OTOP1: variants seen among roughly 807,000 people sequenced by gnomAD.
The protein encoded by OTOP1 is proton channel OTOP1.
A neutral mutation model predicts 52.9 loss-of-function variants in OTOP1; 59 were observed. The ratio of observed to expected loss-of-function variants is 1.12; its 90% CI spans 0.91 to 1.39. OTOP1 has a LOEUF of 1.39. Among genes scored for constraint, OTOP1 ranks in the 40% most tolerant of loss-of-function variants. The probability of loss-of-function intolerance (pLI) is 0.00; values close to 1 mark genes in which losing one functional copy is unlikely to be tolerated. For missense variants in OTOP1, 761 were observed against 800.9 expected (o/e 0.95, Z 0.60); for synonymous variants, 317 against 337.7 (o/e 0.94, Z 0.67).
chr4:4,198,864 T>C (rs1320339115), intron 4 of OTOP1, among the ~76,000 whole-genome samples: 2 of 152,126 alleles, frequency 1.3e-5, no homozygotes, highest in Non-Finnish European at 2.9e-5. Context: ...TCTACCCTTC[T>C]ACTCAAAGGG....
chr4:4,210,342 C>T (rs940327414), intron 2 of OTOP1, among the ~76,000 whole-genome samples: 12 of 152,190 alleles, frequency 7.9e-5, no homozygotes, highest in Admixed American at 4.6e-4. Context: ...CTTGGGCTGC[C>T]GTAACAAAGG....
chr4:4,218,677 TG>T (rs977038979), intron 1 of OTOP1, among the ~76,000 whole-genome samples: 3 of 152,034 alleles, frequency 2.0e-5, no homozygotes, highest in Non-Finnish European at 4.4e-5. Flanking sequence ...CCTATAATCC[TG>T]GCACTTTGGG....
rs1553852440 is a variant in OTOP1, at chr4:4,201,471, T to TATATAC, written c.730+976_730+977insGTATAT. Among the ~76,000 whole-genome samples the TATATAC allele has an allele frequency of 3.5e-5, 5 of 140,856 alleles. No individual in the cohort carries two copies. The South Asian group carries it at 7.0e-4, about 20-fold the overall frequency. The allele number at this position is 140,856 out of a possible 152,430, so 92.4% of individuals were successfully genotyped here. ...GAATAAATAAATAAATATATATATA[T>TATATAC]ACACACACACACACACACACACACA... On this transcript the variant is annotated intron_variant, in intron 4 of 5. Coordinates refer to ENST00000296358, the MANE Select transcript of OTOP1 (RefSeq NM_177998.3).
At chr4:4,202,252 T>C (rs1577178210) in intron 4 of OTOP1, among the ~76,000 whole-genome samples, 196 bp downstream of exon 4, 1 of 152,332 alleles carries the variant, frequency 6.6e-6, no homozygotes. Context: ...CCTTTAATTA[T>C]GCTCAGTACA....
chr4:4,214,735 G>T (rs536985217), intron 1 of OTOP1, among the ~76,000 whole-genome samples: 1 of 152,298 alleles, frequency 6.6e-6, no homozygotes, highest in Admixed American at 6.5e-5. Context: ...CATTATATGA[G>T]GTATCAAATG....
intron 5 of OTOP1, among the ~76,000 whole-genome samples, chr4:4,196,692 C>A (rs1428581607): frequency 6.6e-6 from 1 of 152,140 alleles, no homozygotes; most frequent in Admixed American, 6.5e-5. Context: ...CATGCCACTG[C>A]ACTCCAGCCT....
rs2108804530 is a variant in OTOP1 at position 4,217,189 on chromosome 4, T to G, written c.404-4185A>C. ...TCCAGGGATTCATTCACCCGGTTAT[T>G]TATACAACAAATATCTTGGGGACTC... On this transcript the variant is annotated intron_variant, in intron 1 of 5. Transcript: ENST00000296358. Among the ~76,000 whole-genome samples, 3 of 152,364 alleles carry G rather than the reference T, an allele frequency of 2.0e-5. 1 individual carries two copies. Among genetic ancestry groups the G allele is most frequent in the South Asian group, 2.1e-4 (1 of 4,828 alleles).
At chr4:4,201,451 A>C (rs947376813) in intron 4 of OTOP1, among the ~76,000 whole-genome samples, 1 of 113,534 alleles carries the variant, frequency 8.8e-6, no homozygotes, top group African/African-American at 3.4e-5. Context: ...AAATAGAATA[A>C]ATAAATAAAT....
At position 4,197,207 on chromosome 4, in the gene OTOP1, G is replaced by A. The variant is rs374972760; in HGVS notation, c.1627C>T (p.Leu543=). ...FLQGNAKRKV[L]RNIAAFLFLC... ...AACAAGAAGGCTGCAATATTCCTCA[G>A]GACTTTTCTCTTGGCGTTGCCCTGT... Residue 543 remains leucine (L), a synonymous_variant, in exon 5 of 6, where the codon CTG becomes TTG. Coordinates refer to ENST00000296358, the MANE Select transcript of OTOP1 (RefSeq NM_177998.3). 2.9e-5 allele frequency: 47 copies of A among 1,612,626 alleles called. No homozygotes were observed. The African/African-American group carries it at 4.7e-4, about 16-fold the overall frequency.
At chr4:4,189,575 T>G (rs898260545) in intron 5 of OTOP1, among the ~76,000 whole-genome samples, 3 of 152,022 alleles carry the variant, frequency 2.0e-5, no homozygotes, top group African/African-American at 7.2e-5. Flanking sequence ...CCTTGTGGAG[T>G]CCCCACCCCT....
In OTOP1 at chr4:4,197,845, A is replaced by G. The variant is rs780417745; in HGVS notation, c.989T>C (p.Val330Ala). 3.9e-5 allele frequency: 63 copies of G among 1,613,972 alleles called. No individual in the cohort carries two copies. The highest frequency in any genetic ancestry group is 5.3e-5 in the Non-Finnish European group (63 of 1,179,990). Residue 330 changes from valine to alanine, a missense_variant, in exon 5 of 6, where the codon GTG (valine) becomes GCG (alanine). Val to Ala is a moderately conservative substitution (Grantham distance 64). This residue lies in a region of OTOP1 where 632 missense variants were observed against 619.5 expected (regional missense o/e 1.02). Coordinates refer to ENST00000296358, the MANE Select transcript of OTOP1 (RefSeq NM_177998.3). ...GCGCCCAATATGAATCAGGTATACC[A>G]CCACCACAGCAATGGTGGCGGCCAG... ...TVLAATIAVV[V>A]VYLIHIGRSK...
At chr4:4,190,792 C>T (rs1716483867) in intron 5 of OTOP1, among the ~76,000 whole-genome samples, 1 of 152,128 alleles carries the variant, frequency 6.6e-6, no homozygotes, top group African/African-American at 2.4e-5. Flanking sequence ...CCCTTAGGGG[C>T]TCTCCTACCT....
intron 5 of OTOP1, among the ~76,000 whole-genome samples, chr4:4,195,558 A>G (rs557602063): frequency 6.6e-6 from 1 of 152,180 alleles, no homozygotes; most frequent in Non-Finnish European, 1.5e-5. Flanking sequence ...TCTCATGACC[A>G]TGCGGCAACA....
intron 4 of OTOP1, 60 bp from the exon 5 acceptor site, chr4:4,198,163 A>T: frequency 1.4e-6 from 2 of 1,430,576 alleles, no homozygotes; most frequent in Non-Finnish European, 1.9e-6. Context: ...GGGAACAGAA[A>T]AGCACAGAAA....
chr4:4,197,562 G>T lies in OTOP1; in HGVS notation c.1272C>A (p.Tyr424Ter), dbSNP rs750211022. ...TCGCCAGGATGGAGTAGGGCAGGTT[G>T]TACCAGGTGTAGCGGGGGTGGCCCT... ...CAEGHPRYTWYNLPYSILAIV... is the reference protein window; with the variant it reads ...CAEGHPRYTW The change falls in exon 5 of 6, where the codon TAC (tyrosine) becomes TAA (stop). Residue 424 changes from tyrosine to a stop codon, truncating the protein, a stop_gained. Transcript: ENST00000296358. LOFTEE classifies it high-confidence loss of function. 1.9e-6 allele frequency: 3 copies of T among 1,614,016 alleles called. No individual in the cohort carries two copies. Among genetic ancestry groups the T allele is most frequent in the Non-Finnish European group, 2.5e-6 (3 of 1,180,032 alleles).
chr4:4,219,919 A>G (rs1212701584), intron 1 of OTOP1, among the ~76,000 whole-genome samples: 3 of 142,816 alleles, frequency 2.1e-5, no homozygotes, highest in Non-Finnish European at 4.5e-5. Flanking sequence ...GTGTGTATAT[A>G]CGTATACATG....
intron 1 of OTOP1, among the ~76,000 whole-genome samples, chr4:4,222,939 T>TCCC (rs1414920784): frequency 4.6e-5 from 7 of 152,046 alleles, no homozygotes; most frequent in Non-Finnish European, 1.0e-4. Flanking sequence ...TCTCTCAACA[T>TCCC]CCCCCAGCTC....
chr4:4,189,066 C>T (rs1397558436), intron 5 of OTOP1, 93 bp from the exon 6 acceptor site: 3 of 1,149,656 alleles, frequency 2.6e-6, no homozygotes, highest in Admixed American at 2.3e-5. Flanking sequence ...GGGAGCTGAA[C>T]CTAATGCACA....
chr4:4,210,919 T>A (rs1316040977), intron 2 of OTOP1, among the ~76,000 whole-genome samples: 3 of 152,086 alleles, frequency 2.0e-5, no homozygotes. Flanking sequence ...AACGACCCCA[T>A]CTCCAAATAC....
Sources: allele counts gnomAD v4.1 joint callset (sites outside exome capture counted in the v4.1 genomes callset), GRCh38; gene constraint gnomAD v4.1.1; regional missense constraint gnomAD v4.1.1; transcripts MANE v1.5; gene names NCBI Gene and HGNC (gene_info 2026-07-23, HGNC 2026-07-21).